Variants in CCDC148 observed in about 807,000 individuals in gnomAD.
CCDC148 encodes the protein coiled-coil domain containing 148, also known as coiled-coil domain-containing protein 148.
Under a neutral mutation model 85.7 loss-of-function variants are expected in CCDC148, and 89 were observed. The ratio of observed to expected loss-of-function variants is 1.04; its 90% CI spans 0.87 to 1.24. The LOEUF (loss-of-function observed/expected upper bound fraction) is 1.24. Ranked by LOEUF, CCDC148 falls within the 50% of genes most tolerant of loss-of-function variation. The pLI is 0.00. For missense variants in CCDC148, 692 were observed against 671.7 expected (o/e 1.03, Z -0.33); for synonymous variants, 230 against 213.9 (o/e 1.08, Z -0.66).
intron 1 of CCDC148, among the ~76,000 whole-genome samples, chr2:158,382,758 CAA>C (rs10708736): frequency 0.059 from 8,484 of 144,792 alleles, 444 homozygotes; most frequent in African/African-American, 0.15. Context: ...ACTAAAAATA[CAA>C]AAAAAAAAAA....
At chr2:158,264,495 G>C (rs1485253892) in intron 9 of CCDC148, among the ~76,000 whole-genome samples, 9 of 152,070 alleles carry the variant, frequency 5.9e-5, no homozygotes, top group Non-Finnish European at 1.0e-4. Flanking sequence ...ACTAAATATA[G>C]TGCATGTTGA....
intron 7 of CCDC148, among the ~76,000 whole-genome samples, chr2:158,335,838 A>C (rs1370946090): frequency 6.6e-6 from 1 of 152,072 alleles, no homozygotes; most frequent in Non-Finnish European, 1.5e-5. Flanking sequence ...GTGACCTGGG[A>C]AAATGAGGTT....
At chr2:158,403,184 T>C (rs1048983134) in intron 1 of CCDC148, among the ~76,000 whole-genome samples, 7 of 151,996 alleles carry the variant, frequency 4.6e-5, no homozygotes, top group Admixed American at 3.9e-4. Flanking sequence ...AATATTTTTT[T>C]CTTTTTTTTT....
intron 10 of CCDC148, among the ~76,000 whole-genome samples, chr2:158,225,755 A>G (rs562877597): frequency 4.9e-4 from 75 of 152,324 alleles, no homozygotes; most frequent in South Asian, 1.9e-3. Flanking sequence ...CTTTGAAACC[A>G]ATGAGAACAA....
intron 13 of CCDC148, among the ~76,000 whole-genome samples, chr2:158,172,711 A>G (rs56725596): frequency 0.24 from 36,180 of 151,992 alleles, 5,567 homozygotes; most frequent in East Asian, 0.56. Context: ...TTGAAAAACA[A>G]AATCAATAGA....
At position 158,338,794 on chromosome 2, in the gene CCDC148, G is replaced by A. The variant is rs754266027; in HGVS notation, c.696C>T (p.Phe232=). The A allele has an allele frequency of 1.9e-6, 3 of 1,611,540 alleles. No homozygotes were observed. The South Asian group carries it at 3.3e-5, about 18-fold the overall frequency. Residue 232 remains phenylalanine, a synonymous_variant, in exon 7 of 14, where the codon TTC becomes TTT. Transcript: ENST00000283233. ...TCTGATATTTCTGTGTAAACTTATA[G>A]AACTCACTGAGAATTGAAGATTTCA... ...PDLKSSILSE[F]YKFTQKYQKK...
At chr2:158,433,074 CAAA>C (rs755383954) in intron 1 of CCDC148, among the ~76,000 whole-genome samples, 10 of 74,022 alleles carry the variant, frequency 1.4e-4, no homozygotes, top group East Asian at 3.5e-4. Context: ...CTCATCTCTA[CAAA>C]AAAAAAAAAA....
At chr2:158,403,706 AC>A (rs58769737) in intron 1 of CCDC148, among the ~76,000 whole-genome samples, 7,140 of 152,152 alleles carry the variant, frequency 0.047, 233 homozygotes, top group Non-Finnish European at 0.062. Context: ...ACACACACAC[AC>A]AAACACATGC....
At chr2:158,197,014 A>G (rs979434742) in intron 11 of CCDC148, among the ~76,000 whole-genome samples, 3 of 152,214 alleles carry the variant, frequency 2.0e-5, no homozygotes, top group Non-Finnish European at 4.4e-5. Flanking sequence ...GTTAGCAAAC[A>G]TTATTAAAAG....
intron 9 of CCDC148, among the ~76,000 whole-genome samples, chr2:158,302,821 G>T (rs1439167518): frequency 1.3e-5 from 2 of 151,866 alleles, no homozygotes. Context: ...TGGGGAGGAT[G>T]TTCCTAGGCA....
intron 7 of CCDC148, among the ~76,000 whole-genome samples, chr2:158,318,943 A>G (rs1001908865): frequency 6.6e-6 from 1 of 151,586 alleles, no homozygotes; most frequent in Admixed American, 6.6e-5. Context: ...CTAATTTTTT[A>G]TTTTCAGTAG....
chr2:158,223,679 C>T (rs1362367583), intron 10 of CCDC148, among the ~76,000 whole-genome samples: 6 of 152,230 alleles, frequency 3.9e-5, no homozygotes, highest in Non-Finnish European at 8.8e-5. Flanking sequence ...CACTGTTCTG[C>T]AGCCTCGTCT....
intron 11 of CCDC148, among the ~76,000 whole-genome samples, chr2:158,186,299 C>T (rs1005780003): frequency 2.6e-5 from 4 of 152,042 alleles, no homozygotes; most frequent in African/African-American, 4.8e-5. Context: ...TTAGACTGAA[C>T]TTAGAATTGT....
At chr2:158,234,455 G>A (rs1688005391) in intron 10 of CCDC148, among the ~76,000 whole-genome samples, 1 of 152,096 alleles carries the variant, frequency 6.6e-6, no homozygotes, top group African/African-American at 2.4e-5. Flanking sequence ...CCTCTGGTAG[G>A]AGGGTAAATT....
chr2:158,456,578 A>C lies in CCDC148; in HGVS notation c.-139T>G. On this transcript the variant is annotated 5_prime_UTR_variant, in exon 1 of 14. Coordinates refer to ENST00000283233, the MANE Select transcript of CCDC148 (RefSeq NM_138803.4). ...TTTGACGCCAGGGACAAACCCTACC[A>C]GGCACAGTTGGGATTGGCAGTAAGG... is the stretch of plus-strand genomic sequence containing the variant. The C allele has an allele frequency of 9.2e-7, 1 of 1,091,832 alleles. No homozygotes were observed. Among genetic ancestry groups the C allele is most frequent in the Non-Finnish European group, 1.3e-6 (1 of 770,768 alleles). The allele number at this position is 1,091,832 out of a possible 1,614,324, so 67.6% of individuals were successfully genotyped here. A position where few individuals can be genotyped will look rare whatever the true frequency, so the allele number is the denominator to read the frequency against.
chr2:158,197,184 T>C (rs1685716986), intron 11 of CCDC148, among the ~76,000 whole-genome samples: 1 of 152,174 alleles, frequency 6.6e-6, no homozygotes, highest in South Asian at 2.1e-4. Flanking sequence ...CAGGACAGAT[T>C]CAACTTACAG....
rs778628228 is a variant in CCDC148, at chr2:158,338,937, A to G, written c.583-30T>C. ...AAAAAAGTATATGATTATTTTATTT[A>G]ACATAAACGACAAATTGATAAACAC... On this transcript the variant is annotated intron_variant, in intron 6 of 13. Transcript: ENST00000283233. 12 of 1,600,106 alleles carry G rather than the reference A, an allele frequency of 7.5e-6. No homozygotes were observed. The South Asian group carries it at 1.2e-4, about 17-fold the overall frequency.
chr2:158,386,935 T>C lies in CCDC148; in HGVS notation c.26-28365A>G, dbSNP rs140277831. ...GTTCTAGTTTTTGCCAGTGAATCTC[T>C]GGCAAGCAATTCAAACTCATGGTTA... On this transcript the variant is annotated intron_variant, in intron 1 of 13. Transcript: ENST00000283233. 4.8e-3 allele frequency among the ~76,000 whole-genome samples: 724 copies of C among 152,300 alleles called. 5 individuals are homozygous for C. The highest frequency in any genetic ancestry group is 0.017 in the African/African-American group (691 of 41,578).
chr2:158,409,543 T>C (rs1686170588), intron 1 of CCDC148, among the ~76,000 whole-genome samples: 1 of 152,300 alleles, frequency 6.6e-6, no homozygotes, highest in Admixed American at 6.5e-5. Flanking sequence ...GCTGTATTTA[T>C]CCAATGCTTG....
Sources: allele counts gnomAD v4.1 joint callset (sites outside exome capture counted in the v4.1 genomes callset), GRCh38; gene constraint gnomAD v4.1.1; transcripts MANE v1.5; gene names NCBI Gene and HGNC (gene_info 2026-07-23, HGNC 2026-07-21).